TRABD2B: variants seen among roughly 807,000 people sequenced by gnomAD.
The protein encoded by TRABD2B is TraB domain containing 2B, also known as metalloprotease TIKI2.
TRABD2B carries 14 observed loss-of-function variants against 40.1 expected under a neutral mutation model. The observed-to-expected ratio is 0.35, with a 90% confidence interval of 0.23 to 0.55. TRABD2B has a LOEUF of 0.55. TRABD2B is among the 20% of genes least tolerant of loss of function. The pLI, the probability that TRABD2B is intolerant of heterozygous loss-of-function variation, is 0.90. For synonymous variants in TRABD2B, 263 were observed against 277.0 expected, an observed-to-expected ratio of 0.95 and a Z score of 0.50; for missense variants, 541 against 648.6, an observed-to-expected ratio of 0.83 and a Z score of 1.80.
chr1:47,840,811 A>G (rs1645386535), intron 2 of TRABD2B, among the ~76,000 whole-genome samples: 1 of 152,178 alleles, frequency 6.6e-6, no homozygotes, highest in African/African-American at 2.4e-5. Flanking sequence ...TAAGAAAAAG[A>G]GAAAAATTTG....
At chr1:47,881,552 G>A (rs72894286) in intron 2 of TRABD2B, among the ~76,000 whole-genome samples, 6,418 of 152,168 alleles carry the variant, frequency 0.042, 481 homozygotes, top group African/African-American at 0.15. Context: ...AAAGCTTTAC[G>A]CTAAGAAACA....
At chr1:47,847,907 C>T (rs1009059705) in intron 2 of TRABD2B, among the ~76,000 whole-genome samples, 6 of 152,194 alleles carry the variant, frequency 3.9e-5, no homozygotes, top group Non-Finnish European at 7.3e-5. Context: ...GAAAAATGTC[C>T]TCACCCAGAG....
intron 2 of TRABD2B, among the ~76,000 whole-genome samples, chr1:47,836,749 T>C (rs1055901184): frequency 3.3e-5 from 5 of 152,204 alleles, no homozygotes; most frequent in African/African-American, 1.2e-4. Context: ...CCCTCATGAA[T>C]GAGATTAGTA....
At chr1:47,854,977 G>A (rs549183383) in intron 2 of TRABD2B, among the ~76,000 whole-genome samples, 10 of 152,284 alleles carry the variant, frequency 6.6e-5, no homozygotes, top group African/African-American at 2.4e-4. Context: ...TTCCTCATTT[G>A]TGAAATGAGG....
intron 2 of TRABD2B, among the ~76,000 whole-genome samples, chr1:47,896,107 T>C (rs930575885): frequency 3.3e-5 from 5 of 152,230 alleles, no homozygotes; most frequent in African/African-American, 1.2e-4. Flanking sequence ...TCCTGGCCCC[T>C]GCTGGCCCCT....
chr1:47,853,295 G>A (rs1362277143), intron 2 of TRABD2B, among the ~76,000 whole-genome samples: 1 of 152,196 alleles, frequency 6.6e-6, no homozygotes, highest in African/African-American at 2.4e-5. Context: ...GTCTAGCAGT[G>A]GCCCGAATTA....
At chr1:47,906,366 A>G (rs531168589) in intron 2 of TRABD2B, among the ~76,000 whole-genome samples, 20 of 152,356 alleles carry the variant, frequency 1.3e-4, no homozygotes, top group African/African-American at 4.1e-4. Context: ...GAGGTTAAAG[A>G]ACTTGCTAAA....
At chr1:47,818,720 T>A (rs538439592) in intron 2 of TRABD2B, 23 of 152,410 alleles carry the variant, frequency 1.5e-4, no homozygotes, top group African/African-American at 5.5e-4. Flanking sequence ...CTCTCCAGCC[T>A]TGCTGTGGCC....
At chr1:47,911,982 G>A (rs916791840) in intron 2 of TRABD2B, among the ~76,000 whole-genome samples, 11 of 152,182 alleles carry the variant, frequency 7.2e-5, no homozygotes, top group Non-Finnish European at 1.0e-4. Context: ...TGTGGATCAC[G>A]CAACGCCCAA....
intron 2 of TRABD2B, among the ~76,000 whole-genome samples, chr1:47,958,273 C>T (rs1645455055): frequency 7.0e-6 from 1 of 142,654 alleles, no homozygotes. Context: ...TTGTAAAGAC[C>T]ATCAAGGTTA....
intron 2 of TRABD2B, among the ~76,000 whole-genome samples, chr1:47,881,100 C>G (rs1644297318): frequency 6.6e-6 from 1 of 152,226 alleles, no homozygotes; most frequent in African/African-American, 2.4e-5. Flanking sequence ...TGGGCCTCCA[C>G]AGCCAAGAAT....
chr1:47,949,386 T>C (rs1265281872), intron 2 of TRABD2B, among the ~76,000 whole-genome samples: 2 of 149,954 alleles, frequency 1.3e-5, no homozygotes, highest in East Asian at 2.0e-4. Context: ...TCTATGATTG[T>C]ATTTTCTTTT....
chr1:47,908,788 G>T (rs1644711846), intron 2 of TRABD2B, among the ~76,000 whole-genome samples: 2 of 152,240 alleles, frequency 1.3e-5, no homozygotes, highest in Admixed American at 1.3e-4. Flanking sequence ...CTCATACCAT[G>T]TACAGAGATG....
intron 2 of TRABD2B, among the ~76,000 whole-genome samples, chr1:47,812,749 A>G (rs1644982194): frequency 6.6e-6 from 1 of 152,220 alleles, no homozygotes; most frequent in South Asian, 2.1e-4. Context: ...AAAGAAAAAG[A>G]AAGTGTTAAC....
intron 2 of TRABD2B, among the ~76,000 whole-genome samples, chr1:47,874,486 A>T (rs373721475): frequency 1.2e-3 from 175 of 149,100 alleles, no homozygotes; most frequent in African/African-American, 3.8e-3. Flanking sequence ...GTTAGCCAGG[A>T]TGGTCTCGAT....
In TRABD2B at chr1:47,942,678, C is replaced by T. The variant is rs180687249; in HGVS notation, c.666+51356G>A. The stretch of plus-strand genomic sequence containing the variant: ...AATGACAATAATTTTGCACATTTAC[C>T]AGGTTCCAGGCAGGCATTACTTTAA... On this transcript the variant is annotated intron_variant, in intron 2 of 6. Transcript: ENST00000606738. Among the ~76,000 whole-genome samples the T allele has an allele frequency of 1.1e-4, 16 of 152,294 alleles. No homozygotes were observed. The East Asian group carries it at 3.1e-3, about 29-fold the overall frequency.
At chr1:47,841,196 T>A (rs1645391792) in intron 2 of TRABD2B, among the ~76,000 whole-genome samples, 1 of 152,208 alleles carries the variant, frequency 6.6e-6, no homozygotes, top group Non-Finnish European at 1.5e-5. Context: ...AGCCCCTGGT[T>A]ACCTGCTGCC....
intron 2 of TRABD2B, among the ~76,000 whole-genome samples, chr1:47,968,949 T>C (rs1331739511): frequency 6.6e-6 from 1 of 152,172 alleles, no homozygotes; most frequent in Non-Finnish European, 1.5e-5. Flanking sequence ...GACAAATGAA[T>C]GGTGGCTGAT....
Position 47,996,066 on chromosome 1 carries a change from T to G in TRABD2B, c.102+622A>C, listed in dbSNP as rs1046303041. Among the ~76,000 whole-genome samples, 4 of 152,200 alleles carry G rather than the reference T, an allele frequency of 2.6e-5. No individual in the cohort carries two copies. The highest frequency in any genetic ancestry group is 4.4e-5 in the Non-Finnish European group (3 of 68,040). On this transcript the variant is annotated intron_variant, in intron 1 of 6. Transcript: ENST00000606738. The surrounding 1 kb of genome is among the most constrained non-coding windows in gnomAD (Gnocchi z 4.6). Reference sequence around the variant, plus strand: ...AGTAATTACTCGACCCCAAGAAATATTAGGCCAGTATGTCCTGGCATTGCC... The same window carrying G: ...AGTAATTACTCGACCCCAAGAAATAGTAGGCCAGTATGTCCTGGCATTGCC...
Sources: allele counts gnomAD v4.1 joint callset (sites outside exome capture counted in the v4.1 genomes callset), GRCh38; gene constraint gnomAD v4.1.1; non-coding constraint Gnocchi (gnomAD v3.1); transcripts MANE v1.5; gene names NCBI Gene and HGNC (gene_info 2026-07-23, HGNC 2026-07-21).